The following IGF2BP2 variants were observed in gnomAD, a reference collection of about 807,000 sequenced individuals.
The protein encoded by IGF2BP2 is insulin-like growth factor 2 mRNA-binding protein 2.
In IGF2BP2, 17 loss-of-function variants were observed where a neutral mutation model predicts 75.8. That is an observed-to-expected ratio of 0.22 (90% CI 0.15 to 0.34). IGF2BP2 has a LOEUF of 0.34. IGF2BP2 is among the 10% of genes least tolerant of loss of function. The pLI, the probability that IGF2BP2 is intolerant of heterozygous loss-of-function variation, is 1.00. For synonymous variants in IGF2BP2, 288 were observed against 295.6 expected, an observed-to-expected ratio of 0.97 and a Z score of 0.26; for missense variants, 516 against 772.4, an observed-to-expected ratio of 0.67 and a Z score of 3.93.
In IGF2BP2 at chr3:185,824,898, C is replaced by T. The variant is rs1157297033; in HGVS notation, c.63G>A (p.Gln21=). 1.9e-6 allele frequency: 3 copies of T among 1,574,086 alleles called. No homozygotes were observed. The highest frequency in any genetic ancestry group is 2.4e-5 in the East Asian group (1 of 40,978). The change falls in exon 1 of 16, where the codon CAG becomes CAA. Residue 21 remains glutamine, a synonymous_variant. Transcript: ENST00000382199. ...GGGGCAGCTTCCTGTCCCCAAAGAG[C>T]TGCCGGAGGTCGTCGGCGGTGACGG... ...SPAVTADDLR[Q]LFGDRKLPLA...
Position 185,824,982 on chromosome 3 carries a change from G to C in IGF2BP2, c.-22C>G, listed in dbSNP as rs373340007. On this transcript the variant is annotated 5_prime_UTR_variant, in exon 1 of 16. Coordinates refer to ENST00000382199, the MANE Select transcript of IGF2BP2 (RefSeq NM_006548.6). ...TCATCCGTCTCTTCCCCGAGAGCCC[G>C]CGGCTCCCCCGGCCCGGTACCCGGC... 2.8e-4 allele frequency: 413 copies of C among 1,476,948 alleles called. 1 individual carries two copies. In the African/African-American group the frequency reaches 5.3e-3, roughly 19 times the overall value. The allele number at this position is 1,476,948 out of a possible 1,614,324, so 91.5% of individuals were successfully genotyped here.
chr3:185,780,019 G>A (rs995816622), intron 2 of IGF2BP2, among the ~76,000 whole-genome samples: 1 of 152,190 alleles, frequency 6.6e-6, no homozygotes, highest in Non-Finnish European at 1.5e-5. Context: ...AAACAAACCA[G>A]TACAGACAGT....
chr3:185,717,199 T>A (rs556669872), intron 2 of IGF2BP2: 1 of 178,028 alleles, frequency 5.6e-6, no homozygotes, highest in African/African-American at 2.4e-5. Context: ...GGTCTATTTA[T>A]TGGGAGGCCA....
chr3:185,716,678 G>C (rs542768658), intron 2 of IGF2BP2: 1 of 520,154 alleles, frequency 1.9e-6, no homozygotes, highest in Admixed American at 1.9e-5. Flanking sequence ...TGGTTAAGGA[G>C]AGTGTATTTA....
In IGF2BP2 at chr3:185,647,196, G is replaced by A. The variant is rs1046481431; in HGVS notation, c.1594-58C>T. On this transcript the variant is annotated intron_variant, in intron 14 of 15. Coordinates refer to ENST00000382199, the MANE Select transcript of IGF2BP2 (RefSeq NM_006548.6). The surrounding 1 kb of genome is among the most constrained non-coding windows in gnomAD (Gnocchi z 4.9). ...GGTTCCCTCCCCGTCAACGTGGTGG[G>A]CTCAGGACGGAGTGAGGGGCCAAGA... is the stretch of plus-strand genomic sequence containing the variant. The A allele has an allele frequency of 2.2e-5, 27 of 1,245,656 alleles. No homozygotes were observed. The highest frequency in any genetic ancestry group is 3.1e-5 in the Non-Finnish European group (26 of 844,678). 77.2% of individuals were successfully genotyped at this position (1,245,656 alleles called of 1,614,324 possible). A position where few individuals can be genotyped will look rare whatever the true frequency, so the allele number is the denominator to read the frequency against.
chr3:185,661,521 C>A (rs565363948), intron 10 of IGF2BP2, among the ~76,000 whole-genome samples: 10 of 151,262 alleles, frequency 6.6e-5, no homozygotes, highest in Non-Finnish European at 1.0e-4. Context: ...CCTGCAATTC[C>A]AGCTATTCAG....
chr3:185,735,089 A>G (rs1237534142), intron 2 of IGF2BP2, among the ~76,000 whole-genome samples: 1 of 152,172 alleles, frequency 6.6e-6, no homozygotes, highest in Non-Finnish European at 1.5e-5. Context: ...TTTTATGTGC[A>G]TTTTATCAGT....
chr3:185,672,766 T>A, intron 9 of IGF2BP2, 97 bp from the exon 10 acceptor site: 1 of 1,378,314 alleles, frequency 7.3e-7, no homozygotes, highest in Non-Finnish European at 1.0e-6. Context: ...GGCACCAGCG[T>A]CTCCTAATCA....
intron 8 of IGF2BP2, 108 bp downstream of exon 8, chr3:185,675,683 C>T (rs1719225769): frequency 1.5e-6 from 2 of 1,364,516 alleles, no homozygotes; most frequent in Admixed American, 4.3e-5. Context: ...AATTGCATCA[C>T]TTATGATTAT....
chr3:185,665,425 A>AGGAGGAGAAGGAGG (rs1717295060), intron 10 of IGF2BP2, among the ~76,000 whole-genome samples: 2 of 40,230 alleles, frequency 5.0e-5, no homozygotes, highest in Admixed American at 2.7e-4. Context: ...GGAGAAGGAG[A>AGGAGGAGAAGGAGG]AGGAGGAGGA....
At chr3:185,737,057 G>A (rs1162884616) in intron 2 of IGF2BP2, among the ~76,000 whole-genome samples, 3 of 152,146 alleles carry the variant, frequency 2.0e-5, no homozygotes, top group Non-Finnish European at 2.9e-5. Flanking sequence ...GTGATGTTTC[G>A]CATTAATTTG....
chr3:185,646,069 T>C (rs1339474255), intron 15 of IGF2BP2, among the ~76,000 whole-genome samples: 1 of 152,114 alleles, frequency 6.6e-6, no homozygotes, highest in Non-Finnish European at 1.5e-5. Context: ...AGCACACACA[T>C]GAACCCCCAC....
At chr3:185,671,793 A>G (rs1367669939) in intron 10 of IGF2BP2, among the ~76,000 whole-genome samples, 1 of 152,122 alleles carries the variant, frequency 6.6e-6, no homozygotes, top group South Asian at 2.1e-4. Context: ...ATGTTCACCC[A>G]CCTGATTCTT....
At chr3:185,648,636 C>T (rs897849236) in intron 14 of IGF2BP2, among the ~76,000 whole-genome samples, 2 of 152,122 alleles carry the variant, frequency 1.3e-5, no homozygotes, top group Admixed American at 6.5e-5. Flanking sequence ...TCTCAGTGGT[C>T]ATCTCCCCAC....
intron 2 of IGF2BP2, among the ~76,000 whole-genome samples, chr3:185,798,558 G>A (rs1737746596): frequency 6.6e-6 from 1 of 152,024 alleles, no homozygotes; most frequent in Non-Finnish European, 1.5e-5. Context: ...TTATTGTATT[G>A]TTGATTTTAT....
In IGF2BP2 at chr3:185,766,045, T is replaced by G. The variant is rs1162313372; in HGVS notation, c.239+57108A>C. On this transcript the variant is annotated intron_variant, in intron 2 of 15. Transcript: ENST00000382199. The stretch of plus-strand genomic sequence containing the variant: ...CCTTTTCCAAAACCAAAGGCACACA[T>G]GAAGATGGGAGAAAATGTGGAGGTT... 5.9e-5 allele frequency among the ~76,000 whole-genome samples: 9 copies of G among 152,074 alleles called. No individual in the cohort carries two copies. The East Asian group carries it at 1.7e-3, about 29-fold the overall frequency.
intron 2 of IGF2BP2, among the ~76,000 whole-genome samples, chr3:185,818,659 C>A (rs926297271): frequency 6.6e-6 from 1 of 152,100 alleles, no homozygotes; most frequent in African/African-American, 2.4e-5. Context: ...CAATTCTGAC[C>A]AATTGCTCAT....
At chr3:185,751,596 G>C (rs1161953882) in intron 2 of IGF2BP2, among the ~76,000 whole-genome samples, 2 of 151,366 alleles carry the variant, frequency 1.3e-5, no homozygotes, top group African/African-American at 4.9e-5. Context: ...GGTAAGCCAA[G>C]ATCACGCCAT....
intron 2 of IGF2BP2, among the ~76,000 whole-genome samples, chr3:185,784,267 T>TAGACAGACAGAC (rs59726249): frequency 0.28 from 42,879 of 151,656 alleles, 6,603 homozygotes; most frequent in African/African-American, 0.41. Flanking sequence ...GATAGATAGA[T>TAGACAGACAGAC]AGACAGACAG....
Sources: allele counts gnomAD v4.1 joint callset (sites outside exome capture counted in the v4.1 genomes callset), GRCh38; gene constraint gnomAD v4.1.1; non-coding constraint Gnocchi (gnomAD v3.1); transcripts MANE v1.5; gene names NCBI Gene and HGNC (gene_info 2026-07-23, HGNC 2026-07-21).